Variants in EFCAB5 observed in about 807,000 individuals in gnomAD.
The protein encoded by EFCAB5 is EF-hand calcium-binding domain-containing protein 5.
EFCAB5 carries 131 observed loss-of-function variants against 167.9 expected under a neutral mutation model. That is an observed-to-expected ratio of 0.78 (90% CI 0.68 to 0.90). The LOEUF (loss-of-function observed/expected upper bound fraction) is 0.90, where lower values mean the gene tolerates loss of function less well. Among genes scored for constraint, EFCAB5 ranks in the 40% least tolerant of loss-of-function variants. The pLI is 0.00. For missense variants in EFCAB5, 1,663 were observed against 1,745.2 expected (o/e 0.95, Z 0.84); for synonymous variants, 574 against 602.8 (o/e 0.95, Z 0.70).
upstream of EFCAB5, among the ~76,000 whole-genome samples, chr17:29,937,248 G>A (rs2067253010): frequency 6.6e-6 from 1 of 151,930 alleles, no homozygotes; most frequent in Admixed American, 6.6e-5. Context: ...GTGCAGTGGT[G>A]CAATCTCGGC....
intron 2 of EFCAB5, among the ~76,000 whole-genome samples, chr17:29,942,969 C>T (rs555759026): frequency 5.9e-5 from 9 of 151,812 alleles, no homozygotes; most frequent in South Asian, 4.2e-4. Flanking sequence ...ACCCAGGAGG[C>T]GGAGGTTGCA....
At position 29,958,048 on chromosome 17, in the gene EFCAB5, T is replaced by A. The variant is rs529470249; in HGVS notation, c.191-10743T>A. Among the ~76,000 whole-genome samples the A allele has an allele frequency of 4.6e-5, 7 of 152,328 alleles. No homozygotes were observed. In the South Asian group the frequency reaches 1.4e-3, roughly 32 times the overall value. The stretch of plus-strand genomic sequence containing the variant: ...GCCAATGAATTATCTTTTTAATGTG[T>A]TGTTGAATTTGGTTTGCTAGTATTT... On this transcript the variant is annotated intron_variant, in intron 3 of 22. Transcript: ENST00000394835.
chr17:29,959,562 A>T (rs752178286), intron 3 of EFCAB5, among the ~76,000 whole-genome samples: 1 of 151,970 alleles, frequency 6.6e-6, no homozygotes, highest in Non-Finnish European at 1.5e-5. Flanking sequence ...GATGAATCCT[A>T]CTGGGTCCTT....
intron 22 of EFCAB5, among the ~76,000 whole-genome samples, chr17:30,100,642 C>T (rs1227049927): frequency 6.6e-6 from 1 of 152,120 alleles, no homozygotes; most frequent in African/African-American, 2.4e-5. Flanking sequence ...TGGCAGGCAC[C>T]TGTAATCCCA....
intron 1 of EFCAB5, 33 bp downstream of exon 1, chr17:29,941,871 G>T: frequency 6.3e-7 from 1 of 1,577,308 alleles, no homozygotes; most frequent in East Asian, 2.3e-5. Context: ...TCACATTTAT[G>T]GGAAGATTTG....
At chr17:29,930,167 T>C (rs1293391225) in intron 1 of EFCAB5, 1 of 613,030 alleles carries the variant, frequency 1.6e-6, no homozygotes, top group African/African-American at 1.9e-5. Flanking sequence ...ACCACCAGAC[T>C]GTCGCCGACT....
Position 30,039,051 on chromosome 17 carries a change from C to T in EFCAB5, c.1200+4666C>T, listed in dbSNP as rs148402132. Among the ~76,000 whole-genome samples the T allele has an allele frequency of 2.0e-3, 306 of 152,174 alleles. 3 individuals carry two copies. The Middle Eastern group carries it at 0.02, about 10-fold the overall frequency. The stretch of plus-strand genomic sequence containing the variant: ...AAAGGATCCTCACATACTGCGGTGC[C>T]GAGTCTGTGCACAGACCATACAAGG... On this transcript the variant is annotated intron_variant, in intron 8 of 22. Transcript: ENST00000394835.
chr17:29,955,168 T>G (rs2067588356), intron 3 of EFCAB5, among the ~76,000 whole-genome samples: 1 of 152,118 alleles, frequency 6.6e-6, no homozygotes, highest in Admixed American at 6.5e-5. Flanking sequence ...GAGTTAAGAC[T>G]TTAGGGGACT....
chr17:30,043,311 T>G lies in EFCAB5; in HGVS notation c.1201-7807T>G, dbSNP rs115517331. On this transcript the variant is annotated intron_variant, in intron 8 of 22. Coordinates refer to ENST00000394835, the MANE Select transcript of EFCAB5 (RefSeq NM_198529.4). ...AGCTATACTTACAATGGTAAAAAATTTAATGATTCCCTCCTTATAACAAGG... is the reference window on the plus strand; with the variant it reads ...AGCTATACTTACAATGGTAAAAAATGTAATGATTCCCTCCTTATAACAAGG... 8.3e-3 allele frequency among the ~76,000 whole-genome samples: 1,256 copies of G among 152,218 alleles called. 11 individuals are homozygous for G. Among genetic ancestry groups the G allele is most frequent in the African/African-American group, 0.025 (1,048 of 41,518 alleles).
intron 6 of EFCAB5, 78 bp downstream of exon 6, chr17:29,996,438 C>A: frequency 1.7e-6 from 2 of 1,207,700 alleles, no homozygotes; most frequent in South Asian, 1.4e-5. Context: ...GATGAAGAGT[C>A]AACATGAGAC....
At chr17:29,939,843 A>G (rs185894487), upstream of EFCAB5, among the ~76,000 whole-genome samples, 17 of 152,362 alleles carry the variant, frequency 1.1e-4, no homozygotes, top group South Asian at 6.2e-4. Context: ...CACTTTGTCC[A>G]TATCAGCATA....
chr17:30,066,488 A>G (rs2070575185), intron 14 of EFCAB5, among the ~76,000 whole-genome samples: 1 of 152,086 alleles, frequency 6.6e-6, no homozygotes, highest in South Asian at 2.1e-4. Flanking sequence ...TAGAAACAGA[A>G]CATACTAAAA....
In EFCAB5 at chr17:30,056,599, C is replaced by T. The variant is rs138955623; in HGVS notation, c.2365+443C>T. Among the ~76,000 whole-genome samples, 37 of 152,296 alleles carry T rather than the reference C, an allele frequency of 2.4e-4. No individual in the cohort carries two copies. In the East Asian group the frequency reaches 6.7e-3, roughly 28 times the overall value. On this transcript the variant is annotated intron_variant, in intron 12 of 22. Coordinates refer to ENST00000394835, the MANE Select transcript of EFCAB5 (RefSeq NM_198529.4). ...TTGAAGACTTGCAAAGAAAGATCTA[C>T]TCAACAGAGCAGAGTAGTTTCTGGC... is the stretch of plus-strand genomic sequence containing the variant.
chr17:30,069,756 A>C, intron 14 of EFCAB5: 1 of 707,992 alleles, frequency 1.4e-6, no homozygotes, highest in East Asian at 2.7e-5. Context: ...ACATTTTATC[A>C]CAGAGCCATT....
chr17:29,933,819 C>G (rs1481603309), intron 1 of EFCAB5, among the ~76,000 whole-genome samples: 1 of 152,108 alleles, frequency 6.6e-6, no homozygotes, highest in Non-Finnish European at 1.5e-5. Flanking sequence ...ATCAAGGAAC[C>G]AAGGTGAAGA....
chr17:30,067,440 C>T (rs530459282), intron 14 of EFCAB5, among the ~76,000 whole-genome samples: 1 of 151,996 alleles, frequency 6.6e-6, no homozygotes, highest in African/African-American at 2.4e-5. Flanking sequence ...CATAACAAGA[C>T]CCTGTCTCTA....
At chr17:29,999,999 TTTGAA>T (rs1388869160) in intron 7 of EFCAB5, 23 bp downstream of exon 7, 2 of 1,502,634 alleles carry the variant, frequency 1.3e-6, no homozygotes, top group South Asian at 2.5e-5. Flanking sequence ...TTATTTAATG[TTTGAA>T]TTGAATTATT....
chr17:29,930,720 GT>G (rs2067180626), intron 1 of EFCAB5, among the ~76,000 whole-genome samples: 1 of 152,054 alleles, frequency 6.6e-6, no homozygotes, highest in African/African-American at 2.4e-5. Context: ...TTCCGTCTAT[GT>G]TTTATGATGA....
At chr17:30,075,842 C>T (rs1199212901) in intron 14 of EFCAB5, among the ~76,000 whole-genome samples, 1 of 152,142 alleles carries the variant, frequency 6.6e-6, no homozygotes, top group Non-Finnish European at 1.5e-5. Context: ...CTTGCTCTGC[C>T]CCACCTAATG....
Sources: gnomAD v4.1 joint callset for allele counts (sites outside exome capture counted in the v4.1 genomes callset) on GRCh38, gnomAD v4.1.1 for gene constraint, MANE v1.5 for transcripts, NCBI Gene and HGNC (gene_info 2026-07-23, HGNC 2026-07-21) for gene names.